The following AK9 variants were observed in gnomAD, a reference collection of about 807,000 sequenced individuals.
AK9 encodes the protein adenylate kinase 9.
AK9 carries 191 observed loss-of-function variants against 239.6 expected under a neutral mutation model. The observed-to-expected ratio is 0.80, with a 90% CI of 0.71 to 0.90. The LOEUF is 0.90. AK9 is among the 40% of genes least tolerant of loss of function. AK9 has a pLI of 0.00. For missense variants in AK9, 1,995 were observed against 2,214.7 expected, an observed-to-expected ratio of 0.90 and a Z score of 1.99; for synonymous variants, 689 against 721.0, an observed-to-expected ratio of 0.96 and a Z score of 0.71.
In AK9 at chr6:109,497,860, G is replaced by T; in HGVS notation, c.5152C>A (p.Arg1718=). ...TGGAGCTCCGCACACTTAGGGAATCGACTCTTCAGCTCTGACAGTGTCAGT... is the reference window on the plus strand; with the variant it reads ...TGGAGCTCCGCACACTTAGGGAATCTACTCTTCAGCTCTGACAGTGTCAGT... ...KRLTLSELKS[R]FPKCAELQGY... is the part of the protein sequence containing the mutation. The change falls in exon 37 of 41, where the codon CGA becomes AGA. Residue 1718 remains arginine, a synonymous_variant. Transcript: ENST00000424296. 1 of 1,613,940 alleles carries T rather than the reference G, an allele frequency of 6.2e-7. No homozygotes were observed. The highest frequency in any genetic ancestry group is 8.5e-7 in the Non-Finnish European group (1 of 1,179,904).
At chr6:109,568,680 T>A (rs577875929) in intron 21 of AK9, among the ~76,000 whole-genome samples, 5 of 152,202 alleles carry the variant, frequency 3.3e-5, no homozygotes, top group African/African-American at 1.2e-4. Context: ...TCAATCACAA[T>A]TGCTTCAAAG....
At chr6:109,683,752 A>T (rs1364285608) in intron 1 of AK9, among the ~76,000 whole-genome samples, 2 of 152,244 alleles carry the variant, frequency 1.3e-5, no homozygotes, top group Non-Finnish European at 2.9e-5. Context: ...ATAGGAGAGG[A>T]CACAAACAAA....
In AK9 at chr6:109,529,065, C is replaced by A; in HGVS notation, c.3579G>T (p.Thr1193=). ...KDMKAKIRVD[T]IAKRRAELIL... Reference sequence around the variant, plus strand: ...TAAGTTCAGCCCTTCTTTTAGCAATCGTATCAACCTGTTAAAGAAAGAGAC... The same window carrying A: ...TAAGTTCAGCCCTTCTTTTAGCAATAGTATCAACCTGTTAAAGAAAGAGAC... The change falls in exon 29 of 41, where the codon ACG becomes ACT. Residue 1193 remains threonine (T), a synonymous_variant. Transcript: ENST00000424296. 1 of 1,571,170 alleles carries A rather than the reference C, an allele frequency of 6.4e-7. No individual in the cohort carries two copies. Among genetic ancestry groups the A allele is most frequent in the South Asian group, 1.2e-5 (1 of 82,768 alleles).
intron 27 of AK9, among the ~76,000 whole-genome samples, chr6:109,539,880 T>G (rs939101742): frequency 6.6e-6 from 1 of 152,166 alleles, no homozygotes; most frequent in African/African-American, 2.4e-5. Flanking sequence ...CTAGATCCTG[T>G]TTGCCTGGGT....
At chr6:109,557,385 A>G (rs1205489138) in intron 24 of AK9, among the ~76,000 whole-genome samples, 1 of 151,920 alleles carries the variant, frequency 6.6e-6, no homozygotes, top group Non-Finnish European at 1.5e-5. Flanking sequence ...GGGACTTTTG[A>G]CCTTGAGGAA....
intron 17 of AK9, among the ~76,000 whole-genome samples, chr6:109,603,791 C>T (rs1792437170): frequency 6.6e-6 from 1 of 152,202 alleles, no homozygotes; most frequent in South Asian, 2.1e-4. Flanking sequence ...CTCCCCCAGA[C>T]TCACTGGCAC....
At chr6:109,501,137 T>G (rs1777568145) in intron 35 of AK9, among the ~76,000 whole-genome samples, 1 of 152,208 alleles carries the variant, frequency 6.6e-6, no homozygotes, top group African/African-American at 2.4e-5. Context: ...CTGGGTTTCA[T>G]AAAAAGACTG....
At chr6:109,551,241 C>T (rs1047064794) in intron 24 of AK9, among the ~76,000 whole-genome samples, 3 of 151,874 alleles carry the variant, frequency 2.0e-5, no homozygotes, top group Admixed American at 6.6e-5. Context: ...ACCTTGGCTG[C>T]GTGCGGGGGC....
rs749097885 is a variant in AK9 at position 109,493,359 on chromosome 6, C to T, written c.*10G>A. On this transcript the variant is annotated 3_prime_UTR_variant, in exon 41 of 41. Transcript: ENST00000424296. Reference sequence around the variant, plus strand: ...ACTCTTGAGATTCAGGCTGCTATCACCTAAGTAAACTACCCATTAATTGGG... The same window carrying T: ...ACTCTTGAGATTCAGGCTGCTATCATCTAAGTAAACTACCCATTAATTGGG... 2 of 1,609,298 alleles carry T rather than the reference C, an allele frequency of 1.2e-6. No individual in the cohort carries two copies. The highest frequency in any genetic ancestry group is 2.2e-5 in the South Asian group (2 of 90,944).
At chr6:109,583,476 G>A (rs1395531429) in intron 19 of AK9, among the ~76,000 whole-genome samples, 1 of 151,862 alleles carries the variant, frequency 6.6e-6, no homozygotes, top group Non-Finnish European at 1.5e-5. Context: ...CAACCTATAA[G>A]GCCTTTAAGT....
chr6:109,631,474 A>T (rs750858973), intron 12 of AK9, among the ~76,000 whole-genome samples: 2 of 152,246 alleles, frequency 1.3e-5, no homozygotes, highest in Non-Finnish European at 2.9e-5. Context: ...TTAAAACCAC[A>T]GTGAGATACT....
chr6:109,589,110 GA>G (rs1183375612), intron 17 of AK9, among the ~76,000 whole-genome samples: 1 of 152,006 alleles, frequency 6.6e-6, no homozygotes, highest in African/African-American at 2.4e-5. Context: ...CTAATTCTGT[GA>G]AGAATGACAT....
intron 29 of AK9, among the ~76,000 whole-genome samples, chr6:109,524,449 AT>A (rs1310009595): frequency 6.6e-6 from 1 of 152,200 alleles, no homozygotes; most frequent in African/African-American, 2.4e-5. Context: ...AAAGACACAA[AT>A]TTACAGATTA....
chr6:109,633,706 TACC>T (rs1796385049), intron 10 of AK9, among the ~76,000 whole-genome samples: 1 of 152,224 alleles, frequency 6.6e-6, no homozygotes, highest in South Asian at 2.1e-4. Flanking sequence ...TTGGAAAATG[TACC>T]AGATTCTTAG....
intron 32 of AK9, among the ~76,000 whole-genome samples, chr6:109,510,264 G>C (rs926683217): frequency 6.6e-6 from 1 of 152,116 alleles, no homozygotes; most frequent in Non-Finnish European, 1.5e-5. Context: ...GCGTGGGAGA[G>C]GACGACCAGA....
intron 17 of AK9, among the ~76,000 whole-genome samples, chr6:109,591,752 T>C (rs138664824): frequency 6.6e-6 from 1 of 152,278 alleles, no homozygotes; most frequent in East Asian, 1.9e-4. Flanking sequence ...TGAATTCCCT[T>C]ATTGTTCGCT....
Position 109,493,335 on chromosome 6 carries a change from C to T in AK9, c.*34G>A, listed in dbSNP as rs948791415. ...GTTTCCCTCTATCACTTTCAGATAACTCTTGAGATTCAGGCTGCTATCACC... is the reference window on the plus strand; with the variant it reads ...GTTTCCCTCTATCACTTTCAGATAATTCTTGAGATTCAGGCTGCTATCACC... On this transcript the variant is annotated 3_prime_UTR_variant, in exon 41 of 41. Coordinates refer to ENST00000424296, the MANE Select transcript of AK9 (RefSeq NM_001145128.3). The T allele has an allele frequency of 1.3e-6, 2 of 1,586,262 alleles. No individual in the cohort carries two copies. Among genetic ancestry groups the T allele is most frequent in the Non-Finnish European group, 1.7e-6 (2 of 1,157,516 alleles).
At chr6:109,546,193 T>C (rs1783549003) in intron 25 of AK9, 66 bp from the exon 26 acceptor site, 1 of 1,437,346 alleles carries the variant, frequency 7.0e-7, no homozygotes, top group African/African-American at 1.4e-5. Flanking sequence ...CAGTTTTGAG[T>C]AATTTAGAAC....
chr6:109,568,535 G>A (rs1786919738), intron 21 of AK9, among the ~76,000 whole-genome samples: 2 of 152,136 alleles, frequency 1.3e-5, no homozygotes, highest in African/African-American at 2.4e-5. Context: ...AAACCCCATC[G>A]TCTCAGCCCA....
Sources: allele counts gnomAD v4.1 joint callset (sites outside exome capture counted in the v4.1 genomes callset), GRCh38; gene constraint gnomAD v4.1.1; transcripts MANE v1.5; gene names NCBI Gene and HGNC (gene_info 2026-07-23, HGNC 2026-07-21).